Variants in SPIDR observed in about 807,000 individuals in gnomAD.
SPIDR encodes the protein DNA repair-scaffolding protein.
Under a neutral mutation model 104.6 loss-of-function variants are expected in SPIDR, and 93 were observed. The observed-to-expected ratio is 0.89, with a 90% CI of 0.75 to 1.06. The LOEUF (loss-of-function observed/expected upper bound fraction) is 1.06, where lower values mean the gene tolerates loss of function less well. Ranked by LOEUF, SPIDR falls within the 50% of genes least tolerant of loss-of-function variation. SPIDR has a pLI of 0.00. For synonymous variants in SPIDR, 431 were observed against 416.9 expected (o/e 1.03, Z -0.41); for missense variants, 1,154 against 1,111.2 (o/e 1.04, Z -0.55).
At position 47,704,903 on chromosome 8, in the gene SPIDR, A is replaced by T. The variant is rs145403417; in HGVS notation, c.1977+2888A>T. ...CCAAGCCTGAGGAGACCTAAGACTG[A>T]CTTCACGCTCCTCTGCCTACCTTGA... On this transcript the variant is annotated intron_variant, in intron 14 of 19. Coordinates refer to ENST00000297423, the MANE Select transcript of SPIDR (RefSeq NM_001080394.4). Among the ~76,000 whole-genome samples, 254 of 152,292 alleles carry T rather than the reference A, an allele frequency of 1.7e-3. 1 individual carries two copies. Among genetic ancestry groups the T allele is most frequent in the African/African-American group, 5.3e-3 (222 of 41,572 alleles).
chr8:47,482,002 C>T (rs1554727519), intron 8 of SPIDR, among the ~76,000 whole-genome samples: 1 of 152,128 alleles, frequency 6.6e-6, no homozygotes, highest in South Asian at 2.1e-4. Flanking sequence ...CACATTTTGG[C>T]ATGGTTCTTC....
intron 10 of SPIDR, among the ~76,000 whole-genome samples, chr8:47,601,623 G>A (rs576580584): frequency 6.6e-6 from 1 of 152,322 alleles, no homozygotes; most frequent in African/African-American, 2.4e-5. Context: ...AAACAGGGAG[G>A]CGGAGGTTGC....
At chr8:47,658,168 C>T (rs1322340464) in intron 10 of SPIDR, among the ~76,000 whole-genome samples, 1 of 152,046 alleles carries the variant, frequency 6.6e-6, no homozygotes, top group East Asian at 1.9e-4. Flanking sequence ...CCTGTAATCC[C>T]AGCACTTTGG....
intron 8 of SPIDR, among the ~76,000 whole-genome samples, chr8:47,447,677 C>T (rs2070935470): frequency 6.6e-6 from 1 of 152,176 alleles, no homozygotes; most frequent in South Asian, 2.1e-4. Flanking sequence ...GTAATGCCAT[C>T]AAACAGTATC....
rs750916951 is a variant in SPIDR, at chr8:47,712,863, C to T, written c.2179C>T (p.Arg727Cys). 2 of 1,613,964 alleles carry T rather than the reference C, an allele frequency of 1.2e-6. No homozygotes were observed. The highest frequency in any genetic ancestry group is 1.7e-6 in the Non-Finnish European group (2 of 1,180,028). Residue 727 changes from arginine to cysteine, a missense_variant, in exon 15 of 20, where the codon CGT (arginine) becomes TGT (cysteine). Physicochemically the swap from Arg to Cys is radical, Grantham distance 180. Transcript: ENST00000297423. ...CAGCCTCTTCTTCAAGGACGCTCTC[C>T]GTGACCAGGGTGTGCTTGCGTCTCC... ...PHSLFFKDAL[R>C]DQGRIVCAER...
At chr8:47,717,202 G>C (rs567230418) in intron 16 of SPIDR, among the ~76,000 whole-genome samples, 1 of 152,246 alleles carries the variant, frequency 6.6e-6, no homozygotes, top group Admixed American at 6.5e-5. Context: ...AGGGCTTGCT[G>C]GTCTCCAGGC....
intron 8 of SPIDR, among the ~76,000 whole-genome samples, chr8:47,473,359 A>G (rs1554722077): frequency 6.6e-6 from 1 of 152,176 alleles, no homozygotes; most frequent in Non-Finnish European, 1.5e-5. Context: ...GCAAAGGATT[A>G]GGATAGAGAT....
intron 5 of SPIDR, among the ~76,000 whole-genome samples, chr8:47,316,605 A>AGTACATTCTGT (rs2045394996): frequency 6.6e-6 from 1 of 152,192 alleles, no homozygotes; most frequent in Admixed American, 6.5e-5. Context: ...TACACAAAAG[A>AGTACATTCTGT]GTACATTCTG....
intron 5 of SPIDR, among the ~76,000 whole-genome samples, chr8:47,311,844 T>TAAGGGA (rs1554585428): frequency 6.6e-6 from 1 of 152,162 alleles, no homozygotes; most frequent in African/African-American, 2.4e-5. Context: ...ACATTAGGTA[T>TAAGGGA]ACCTCCTAAT....
intron 8 of SPIDR, among the ~76,000 whole-genome samples, chr8:47,463,462 C>G (rs2074273048): frequency 6.6e-6 from 1 of 151,916 alleles, no homozygotes; most frequent in Non-Finnish European, 1.5e-5. Context: ...AGAATTAACA[C>G]CAGTTGTTCT....
chr8:47,708,323 CTT>C (rs1340627035), intron 14 of SPIDR, among the ~76,000 whole-genome samples: 2 of 152,194 alleles, frequency 1.3e-5, no homozygotes, highest in Non-Finnish European at 1.5e-5. Context: ...AAACAAAAAA[CTT>C]TCCCTGATTA....
At chr8:47,625,263 A>G (rs1256620835) in intron 10 of SPIDR, among the ~76,000 whole-genome samples, 1 of 152,256 alleles carries the variant, frequency 6.6e-6, no homozygotes, top group Non-Finnish European at 1.5e-5. Context: ...ATCTATGGCA[A>G]ACCCACAGCC....
chr8:47,417,243 A>G (rs1554676088), intron 7 of SPIDR, among the ~76,000 whole-genome samples: 3 of 152,230 alleles, frequency 2.0e-5, no homozygotes, highest in Admixed American at 1.3e-4. Context: ...AGTCCCACCA[A>G]CAGCGTAAAA....
At chr8:47,469,453 A>G (rs1378147125) in intron 8 of SPIDR, among the ~76,000 whole-genome samples, 2 of 152,226 alleles carry the variant, frequency 1.3e-5, no homozygotes, top group Non-Finnish European at 2.9e-5. Flanking sequence ...ACAATAGCAA[A>G]AAAATGGAAT....
intron 5 of SPIDR, among the ~76,000 whole-genome samples, chr8:47,391,548 CAAAA>C (rs2060580676): frequency 6.6e-6 from 1 of 151,786 alleles, no homozygotes; most frequent in Non-Finnish European, 1.5e-5. Context: ...CTTAAAAAAA[CAAAA>C]AACAAACAAA....
intron 8 of SPIDR, among the ~76,000 whole-genome samples, chr8:47,492,935 G>A (rs181670360): frequency 1.2e-4 from 18 of 152,034 alleles, no homozygotes; most frequent in Non-Finnish European, 2.5e-4. Flanking sequence ...GTTCATTTAA[G>A]ACATCTCAAA....
intron 8 of SPIDR, among the ~76,000 whole-genome samples, chr8:47,447,683 G>A (rs979484119): frequency 2.0e-5 from 3 of 152,196 alleles, no homozygotes; most frequent in African/African-American, 7.2e-5. Flanking sequence ...CCATCAAACA[G>A]TATCTCATGC....
At chr8:47,619,892 G>GC (rs1159157541) in intron 10 of SPIDR, among the ~76,000 whole-genome samples, 1 of 152,150 alleles carries the variant, frequency 6.6e-6, no homozygotes, top group Non-Finnish European at 1.5e-5. Context: ...CCACCGTGCT[G>GC]CCTTTAAGGT....
chr8:47,545,840 G>A (rs1216532315), intron 8 of SPIDR, among the ~76,000 whole-genome samples: 2 of 152,082 alleles, frequency 1.3e-5, no homozygotes, highest in African/African-American at 4.8e-5. Context: ...TTTAACATGA[G>A]AGGGTGTTTA....
Sources: gnomAD v4.1 joint callset for allele counts (sites outside exome capture counted in the v4.1 genomes callset) on GRCh38, gnomAD v4.1.1 for gene constraint, MANE v1.5 for transcripts, NCBI Gene and HGNC (gene_info 2026-07-23, HGNC 2026-07-21) for gene names.